The following PKHD1 variants were observed in gnomAD, a reference collection of about 807,000 sequenced individuals.
The protein encoded by PKHD1 is fibrocystin.
Under a neutral mutation model 412.0 loss-of-function variants are expected in PKHD1, and 291 were observed. The ratio of observed to expected loss-of-function variants is 0.71; its 90% CI spans 0.64 to 0.78. The LOEUF is 0.78. Among genes scored for constraint, PKHD1 ranks in the 30% least tolerant of loss-of-function variants. PKHD1 has a pLI of 0.00. For missense variants in PKHD1, 4,825 were observed against 4,950.7 expected, an observed-to-expected ratio of 0.97 and a Z score of 0.76; for synonymous variants, 1,777 against 1,821.5, an observed-to-expected ratio of 0.98 and a Z score of 0.62.
intron 64 of PKHD1, 25 bp downstream of exon 64, chr6:51,638,824 A>G: frequency 7.2e-7 from 1 of 1,391,718 alleles, no homozygotes; most frequent in Non-Finnish European, 1.0e-6. Context: ...AAAACACAGA[A>G]TAAAAGCACA....
At chr6:52,042,165 G>A (rs764971600) in intron 27 of PKHD1, among the ~76,000 whole-genome samples, 10 of 152,120 alleles carry the variant, frequency 6.6e-5, no homozygotes, top group Non-Finnish European at 1.2e-4. Context: ...GAAACAAGGT[G>A]GGGTGGGCCT....
intron 60 of PKHD1, among the ~76,000 whole-genome samples, chr6:51,740,838 G>A (rs774533720): frequency 2.0e-5 from 3 of 152,194 alleles, no homozygotes; most frequent in African/African-American, 4.8e-5. Context: ...ATTGCAAGAG[G>A]ACACAGATTG....
At chr6:51,848,979 T>C (rs1428259160) in intron 49 of PKHD1, among the ~76,000 whole-genome samples, 1 of 150,404 alleles carries the variant, frequency 6.6e-6, no homozygotes, top group Non-Finnish European at 1.5e-5. Flanking sequence ...AACGTGCAGG[T>C]TTGTTACACA....
intron 33 of PKHD1, among the ~76,000 whole-genome samples, chr6:52,020,723 C>G (rs1801274736): frequency 6.6e-6 from 1 of 152,196 alleles, no homozygotes; most frequent in African/African-American, 2.4e-5. Flanking sequence ...AAAAGAGCAA[C>G]TGCGAAACAC....
chr6:52,045,741 A>G (rs1226179675), intron 24 of PKHD1, among the ~76,000 whole-genome samples: 1 of 152,194 alleles, frequency 6.6e-6, no homozygotes, highest in African/African-American at 2.4e-5. Flanking sequence ...GAATTATTGC[A>G]TGGTGGACAC....
intron 35 of PKHD1, among the ~76,000 whole-genome samples, chr6:51,964,773 G>A (rs893666743): frequency 2.0e-5 from 3 of 151,854 alleles, no homozygotes; most frequent in Admixed American, 6.6e-5. Flanking sequence ...TAATTTTTAC[G>A]AAACCAACTT....
At chr6:52,020,077 C>G (rs1030634116) in intron 33 of PKHD1, among the ~76,000 whole-genome samples, 3 of 151,950 alleles carry the variant, frequency 2.0e-5, no homozygotes, top group Non-Finnish European at 2.9e-5. Context: ...GGTACAAAGT[C>G]AAACTGAAGA....
chr6:51,744,409 A>G lies in PKHD1; in HGVS notation c.10132T>C (p.Trp3378Arg). 1 of 1,614,012 alleles carries G rather than the reference A, an allele frequency of 6.2e-7. No homozygotes were observed. The highest frequency in any genetic ancestry group is 8.5e-7 in the Non-Finnish European group (1 of 1,179,866). Reference protein sequence around the residue: ...VSVFPKTEAEWTASFFNAGTF... With the variant: ...VSVFPKTEAERTASFFNAGTF... ...CCTGCGTTGAAGAAGGATGCAGTCC[A>G]TTCTGCCTCTGTTTTAGGAAATACA... Residue 3378 changes from tryptophan (W) to arginine (R), a missense_variant, in exon 60 of 67, where the codon TGG becomes CGG. By Grantham distance (101) the Trp-to-Arg change is moderately radical. Transcript: ENST00000371117.
intron 37 of PKHD1, among the ~76,000 whole-genome samples, chr6:51,918,635 A>T (rs575866751): frequency 2.3e-4 from 35 of 152,024 alleles, no homozygotes; most frequent in Middle Eastern, 3.4e-3. Context: ...TGCTATTGTG[A>T]ACAGTGATTC....
chr6:51,661,243 G>A (rs1028998868), intron 60 of PKHD1, among the ~76,000 whole-genome samples: 2 of 151,974 alleles, frequency 1.3e-5, no homozygotes, highest in African/African-American at 4.8e-5. Context: ...TATAGATACA[G>A]ATATAGATTA....
chr6:51,679,216 T>G (rs1156323677), intron 60 of PKHD1, among the ~76,000 whole-genome samples: 1 of 152,078 alleles, frequency 6.6e-6, no homozygotes, highest in East Asian at 1.9e-4. Context: ...CTTTCATGGC[T>G]GCTTATGGGC....
intron 52 of PKHD1, among the ~76,000 whole-genome samples, chr6:51,822,257 C>T (rs1378132660): frequency 1.3e-5 from 2 of 152,176 alleles, no homozygotes; most frequent in African/African-American, 4.8e-5. Flanking sequence ...AACTATAAAA[C>T]AAGCAAGAGA....
chr6:51,664,836 G>A (rs891247530), intron 60 of PKHD1, among the ~76,000 whole-genome samples: 1 of 152,004 alleles, frequency 6.6e-6, no homozygotes, highest in African/African-American at 2.4e-5. Context: ...TGAATACCTT[G>A]CTGTGAAAGG....
intron 57 of PKHD1, among the ~76,000 whole-genome samples, chr6:51,749,086 C>G (rs547649191): frequency 1.3e-5 from 2 of 152,300 alleles, no homozygotes; most frequent in South Asian, 4.1e-4. Flanking sequence ...TGAAAGGCCA[C>G]AGCCATTCCC....
At chr6:51,945,510 T>G (rs1298696814) in intron 36 of PKHD1, among the ~76,000 whole-genome samples, 4 of 152,218 alleles carry the variant, frequency 2.6e-5, no homozygotes, top group Non-Finnish European at 4.4e-5. Flanking sequence ...ATGAATGCAG[T>G]CAGATGTGCA....
intron 35 of PKHD1, among the ~76,000 whole-genome samples, chr6:51,972,298 T>C (rs985503815): frequency 6.6e-6 from 1 of 152,258 alleles, no homozygotes; most frequent in Non-Finnish European, 1.5e-5. Flanking sequence ...TTCTTTAAGC[T>C]TCACGTTTGA....
chr6:51,758,053 A>AGAGAGAGAGAGAGAGAG (rs1491172795), intron 55 of PKHD1, among the ~76,000 whole-genome samples: 21 of 148,464 alleles, frequency 1.4e-4, no homozygotes, highest in Middle Eastern at 3.4e-3. Flanking sequence ...AGAGAGAGAG[A>AGAGAGAGAGAGAGAGAG]AAACAAAGCA....
intron 60 of PKHD1, among the ~76,000 whole-genome samples, chr6:51,731,999 T>C (rs918368460): frequency 2.6e-5 from 4 of 152,182 alleles, no homozygotes; most frequent in Non-Finnish European, 5.9e-5. Context: ...AAAAACACTT[T>C]ATAAATTGAC....
At chr6:51,992,505 C>CA in intron 35 of PKHD1, among the ~76,000 whole-genome samples, 1 of 152,286 alleles carries the variant, frequency 6.6e-6, no homozygotes, top group South Asian at 2.1e-4. Flanking sequence ...TGAAAGGGTG[C>CA]AGTATGAAGA....
Sources: allele counts gnomAD v4.1 joint callset (sites outside exome capture counted in the v4.1 genomes callset), GRCh38; gene constraint gnomAD v4.1.1; transcripts MANE v1.5; gene names NCBI Gene and HGNC (gene_info 2026-07-23, HGNC 2026-07-21).